The following EFHC2 variants were observed in gnomAD, a reference collection of about 807,000 sequenced individuals.
EFHC2 encodes EF-hand domain containing 2, also known as EF-hand domain-containing family member C2.
A neutral mutation model predicts 52.7 loss-of-function variants in EFHC2; 18 were observed. The ratio of observed to expected loss-of-function variants is 0.34; its 90% CI spans 0.24 to 0.51. The LOEUF (loss-of-function observed/expected upper bound fraction) is 0.51, where lower values mean the gene tolerates loss of function less well. EFHC2 is among the 20% of genes least tolerant of loss of function. The pLI, the probability that EFHC2 is intolerant of heterozygous loss-of-function variation, is 0.97. For synonymous variants in EFHC2, 203 were observed against 204.1 expected (o/e 0.99, Z 0.04); for missense variants, 513 against 562.5 (o/e 0.91, Z 0.89).
intron 2 of EFHC2, among the ~76,000 whole-genome samples, chrX:44,281,887 T>A (rs777740193): frequency 9.0e-6 from 1 of 111,487 alleles, no homozygotes; most frequent in Non-Finnish European, 1.9e-5. Context: ...TCAGATTAAG[T>A]GCAAATTAAA....
intron 1 of EFHC2, among the ~76,000 whole-genome samples, chrX:44,319,800 T>C (rs1372817392): frequency 2.7e-5 from 3 of 112,494 alleles, no homozygotes; most frequent in East Asian, 2.8e-4. Context: ...AAGTAAATAA[T>C]GGATCGGTTG....
At chrX:44,261,323 T>G (rs374424033) in intron 3 of EFHC2, 25 bp from the exon 4 acceptor site, 1 of 1,109,301 alleles carries the variant, frequency 9.0e-7, no homozygotes, top group Admixed American at 2.6e-5. Flanking sequence ...AAAATACAAC[T>G]GTTTTATCAT....
At chrX:44,150,915 A>T (rs1047558632) in intron 14 of EFHC2, among the ~76,000 whole-genome samples, 1 of 111,138 alleles carries the variant, frequency 9.0e-6, no homozygotes, top group African/African-American at 3.3e-5. Flanking sequence ...GCAAAATGAG[A>T]TCATACCGGA....
intron 1 of EFHC2, among the ~76,000 whole-genome samples, chrX:44,341,534 G>A (rs929339723): frequency 2.7e-5 from 3 of 111,890 alleles, no homozygotes; most frequent in Middle Eastern, 4.6e-3. Flanking sequence ...CTGCAGCCTC[G>A]ACCTCCCAGG....
intron 2 of EFHC2, among the ~76,000 whole-genome samples, chrX:44,290,648 T>A (rs1013542106): frequency 1.8e-5 from 2 of 111,351 alleles, no homozygotes; most frequent in Non-Finnish European, 3.8e-5. Flanking sequence ...CTCTGGTTAA[T>A]ATAAATTCAT....
chrX:44,229,171 CAT>C (rs2037256017), intron 11 of EFHC2, among the ~76,000 whole-genome samples: 1 of 112,514 alleles, frequency 8.9e-6, no homozygotes, highest in African/African-American at 3.2e-5. Flanking sequence ...TCAGAATACA[CAT>C]ATGTGTGTAA....
At chrX:44,213,327 T>C (rs1329498331) in intron 11 of EFHC2, among the ~76,000 whole-genome samples, 2 of 111,295 alleles carry the variant, frequency 1.8e-5, no homozygotes, top group African/African-American at 6.5e-5. Context: ...ATAAAAAGCG[T>C]CAAATTCTAT....
intron 14 of EFHC2, among the ~76,000 whole-genome samples, chrX:44,153,609 G>C (rs780739378): frequency 8.1e-5 from 9 of 111,498 alleles, no homozygotes; most frequent in Non-Finnish European, 9.4e-5. Flanking sequence ...AGGAAACAGG[G>C]GAGGTTTCCA....
chrX:44,156,639 C>T (rs1393224285), intron 14 of EFHC2, among the ~76,000 whole-genome samples: 2 of 112,543 alleles, frequency 1.8e-5, no homozygotes, highest in Non-Finnish European at 1.9e-5. Context: ...ACTGCTAATG[C>T]TTCTGCAGTT....
At chrX:44,226,311 G>A (rs1389327211) in intron 11 of EFHC2, among the ~76,000 whole-genome samples, 1 of 111,371 alleles carries the variant, frequency 9.0e-6, no homozygotes, top group Non-Finnish European at 1.9e-5. Flanking sequence ...AACTACAACC[G>A]TGAAGCTGCA....
At chrX:44,281,967 T>C (rs2037705135) in intron 2 of EFHC2, among the ~76,000 whole-genome samples, 1 of 111,121 alleles carries the variant, frequency 9.0e-6, no homozygotes, top group Non-Finnish European at 1.9e-5. Context: ...CGGATGAGAT[T>C]TTAAGTTAGT....
intron 12 of EFHC2, among the ~76,000 whole-genome samples, chrX:44,177,798 T>C (rs1314793668): frequency 9.1e-6 from 1 of 110,478 alleles, no homozygotes; most frequent in East Asian, 2.8e-4. Context: ...ATCTCAGAAT[T>C]AACCCTCCTA....
chrX:44,152,062 T>C (rs2036574530), intron 14 of EFHC2, among the ~76,000 whole-genome samples: 1 of 111,854 alleles, frequency 8.9e-6, no homozygotes, highest in Non-Finnish European at 1.9e-5. Context: ...TCAGAGATGA[T>C]TTATGATGAT....
In EFHC2 at chrX:44,261,313, A is replaced by C. The variant is rs1162966118; in HGVS notation, c.383-15T>G. ...GATAGAAGTCCCTATGGCATGAAAG[A>C]AAATACAACTGTTTTATCATGTGGC... is the stretch of plus-strand genomic sequence containing the variant. On this transcript the variant is annotated splice_polypyrimidine_tract_variant and intron_variant, in intron 3 of 14. Transcript: ENST00000420999. The C allele has an allele frequency of 1.8e-5, 21 of 1,148,457 alleles. No individual in the cohort carries two copies. The highest frequency in any genetic ancestry group is 2.3e-5 in the Non-Finnish European group (20 of 855,151). 94.6% of individuals were successfully genotyped at this position (1,148,457 alleles called of 1,213,427 possible).
chrX:44,159,517 G>A (rs977498956), intron 14 of EFHC2, among the ~76,000 whole-genome samples: 2 of 112,069 alleles, frequency 1.8e-5, no homozygotes, highest in East Asian at 2.8e-4. Context: ...AGAGTGCTTC[G>A]AACTCTTTGG....
intron 2 of EFHC2, among the ~76,000 whole-genome samples, chrX:44,302,640 A>ATT (rs1336241588): frequency 1.8e-5 from 2 of 112,311 alleles, no homozygotes; most frequent in Non-Finnish European, 3.8e-5. Flanking sequence ...TTCAGGCAAG[A>ATT]TTTTTTATTT....
intron 2 of EFHC2, among the ~76,000 whole-genome samples, chrX:44,292,653 G>T (rs1300143128): frequency 1.8e-5 from 2 of 111,710 alleles, no homozygotes; most frequent in African/African-American, 6.5e-5. Context: ...ATGTCAAATT[G>T]TAATTCCCAA....
At chrX:44,172,696 G>C (rs2147275795) in intron 13 of EFHC2, among the ~76,000 whole-genome samples, 1 of 112,188 alleles carries the variant, frequency 8.9e-6, no homozygotes, top group South Asian at 3.8e-4. Context: ...CTTTCAGTGA[G>C]AGACTCTCAG....
At chrX:44,205,144 G>A (rs1268603316) in intron 11 of EFHC2, among the ~76,000 whole-genome samples, 1 of 111,374 alleles carries the variant, frequency 9.0e-6, no homozygotes, top group African/African-American at 3.3e-5. Flanking sequence ...TACCAGACAA[G>A]CAAATGCTAA....
Sources: allele counts gnomAD v4.1 joint callset (sites outside exome capture counted in the v4.1 genomes callset), GRCh38; gene constraint gnomAD v4.1.1; transcripts MANE v1.5; gene names NCBI Gene and HGNC (gene_info 2026-07-23, HGNC 2026-07-21).